Variants in CNTN4 observed in about 807,000 individuals in gnomAD.
The protein encoded by CNTN4 is contactin 4, also known as contactin-4.
CNTN4 carries 77 observed loss-of-function variants against 122.5 expected under a neutral mutation model. The ratio of observed to expected loss-of-function variants is 0.63; its 90% confidence interval spans 0.52 to 0.76. The LOEUF (loss-of-function observed/expected upper bound fraction) is 0.76. Among genes scored for constraint, CNTN4 ranks in the 30% least tolerant of loss-of-function variants. The probability of loss-of-function intolerance (pLI) is 0.00; values close to 1 mark genes in which losing one functional copy is unlikely to be tolerated. For synonymous variants in CNTN4, 512 were observed against 447.0 expected, an observed-to-expected ratio of 1.15 and a Z score of -1.83; for missense variants, 1,256 against 1,259.1, an observed-to-expected ratio of 1.00 and a Z score of 0.04.
chr3:2,768,004 A>G (rs1207713344), intron 6 of CNTN4, among the ~76,000 whole-genome samples: 2 of 152,220 alleles, frequency 1.3e-5, no homozygotes, highest in African/African-American at 4.8e-5. Context: ...TTGCATATAA[A>G]TGTTACATTT....
In CNTN4 at chr3:2,627,694, C is replaced by T. The variant is rs144628299; in HGVS notation, c.55+56136C>T. Among the ~76,000 whole-genome samples the T allele has an allele frequency of 4.8e-3, 736 of 151,824 alleles. 7 individuals carry two copies. In the East Asian group the frequency reaches 0.067, roughly 14 times the overall value. On this transcript the variant is annotated intron_variant, in intron 4 of 24. Transcript: ENST00000418658. ...ATTTTTAGTAGAGACGGGGTTTCACCGTGTTAGCCAGGATGGTCTCGATCT... is the reference window on the plus strand; with the variant it reads ...ATTTTTAGTAGAGACGGGGTTTCACTGTGTTAGCCAGGATGGTCTCGATCT...
chr3:2,548,641 T>A (rs962311568), intron 3 of CNTN4, among the ~76,000 whole-genome samples: 2 of 152,154 alleles, frequency 1.3e-5, no homozygotes, highest in African/African-American at 4.8e-5. Flanking sequence ...TTGCTTAGGA[T>A]TGTCTTGGTT....
Position 2,325,472 on chromosome 3 carries a change from G to A in CNTN4, c.-144-13706G>A, listed in dbSNP as rs141635478. Among the ~76,000 whole-genome samples the A allele has an allele frequency of 1.7e-3, 266 of 152,124 alleles. 1 individual carries two copies. Among genetic ancestry groups the A allele is most frequent in the African/African-American group, 5.9e-3 (245 of 41,502 alleles). On this transcript the variant is annotated intron_variant, in intron 2 of 24. Coordinates refer to ENST00000418658, the MANE Select transcript of CNTN4 (RefSeq NM_175607.3). Reference sequence around the variant, plus strand: ...TAGCATTCTCCCTAATTTTAAGAACGCCTTTTGTTTTTATGGTCTTACTTG... The same window carrying A: ...TAGCATTCTCCCTAATTTTAAGAACACCTTTTGTTTTTATGGTCTTACTTG...
intron 10 of CNTN4, among the ~76,000 whole-genome samples, chr3:2,897,923 A>G (rs1219057153): frequency 6.6e-6 from 1 of 152,154 alleles, no homozygotes; most frequent in Non-Finnish European, 1.5e-5. Flanking sequence ...CCTGTACCCA[A>G]TGCATTATCA....
rs2094557196 is a variant in CNTN4 at position 2,935,179 on chromosome 3, T to C, written c.1358+9400T>C. Reference sequence around the variant, plus strand: ...GGCCAGGGTTAAAATGATGACTAAATCCGGTGACTACCTGAGATGGGTCTG... The same window carrying C: ...GGCCAGGGTTAAAATGATGACTAAACCCGGTGACTACCTGAGATGGGTCTG... On this transcript the variant is annotated intron_variant, in intron 13 of 24. Coordinates refer to ENST00000418658, the MANE Select transcript of CNTN4 (RefSeq NM_175607.3). Among the ~76,000 whole-genome samples the C allele has an allele frequency of 2.0e-5, 3 of 152,240 alleles. No individual in the cohort carries two copies. The South Asian group carries it at 6.2e-4, about 32-fold the overall frequency.
intron 3 of CNTN4, among the ~76,000 whole-genome samples, chr3:2,359,280 C>T (rs902547432): frequency 6.6e-5 from 10 of 151,648 alleles, no homozygotes; most frequent in Admixed American, 3.3e-4. Flanking sequence ...TGGAGAGAAC[C>T]GCATACAGCT....
chr3:2,570,176 A>AC (rs2079357688), intron 3 of CNTN4, among the ~76,000 whole-genome samples: 1 of 148,354 alleles, frequency 6.7e-6, no homozygotes, highest in South Asian at 2.2e-4. Flanking sequence ...ACAGTGTTTA[A>AC]TTTTTTTTTT....
intron 2 of CNTN4, among the ~76,000 whole-genome samples, chr3:2,278,775 C>T (rs1019148938): frequency 6.7e-6 from 1 of 149,714 alleles, no homozygotes; most frequent in African/African-American, 2.6e-5. Context: ...GGCCATTAAA[C>T]ACTTCATAAT....
intron 3 of CNTN4, among the ~76,000 whole-genome samples, chr3:2,541,365 A>G (rs893299683): frequency 6.6e-6 from 1 of 152,100 alleles, no homozygotes; most frequent in Admixed American, 6.6e-5. Context: ...ATACTTTTCT[A>G]TGCCAACAGA....
intron 4 of CNTN4, among the ~76,000 whole-genome samples, chr3:2,649,204 A>G (rs2083259558): frequency 6.6e-6 from 1 of 152,214 alleles, no homozygotes; most frequent in African/African-American, 2.4e-5. Context: ...TAGCTAAGAT[A>G]ATTAATAAAG....
chr3:2,964,960 T>C lies in CNTN4; in HGVS notation c.1359-23385T>C, dbSNP rs113451666. Among the ~76,000 whole-genome samples, 193 of 152,276 alleles carry C rather than the reference T, an allele frequency of 1.3e-3. 1 individual carries two copies. The highest frequency in any genetic ancestry group is 1.9e-3 in the Admixed American group (29 of 15,292). On this transcript the variant is annotated intron_variant, in intron 13 of 24. Transcript: ENST00000418658. Reference sequence around the variant, plus strand: ...TTCCATCGTGCCCTACTCGAGGGGTTGAAGATACAGCAGTGAATGAGAAAA... The same window carrying C: ...TTCCATCGTGCCCTACTCGAGGGGTCGAAGATACAGCAGTGAATGAGAAAA...
At chr3:2,621,197 C>T (rs1345666228) in intron 4 of CNTN4, among the ~76,000 whole-genome samples, 1 of 152,128 alleles carries the variant, frequency 6.6e-6, no homozygotes, top group Non-Finnish European at 1.5e-5. Context: ...ACCTTCTCAT[C>T]GCTGATGTAT....
intron 4 of CNTN4, among the ~76,000 whole-genome samples, chr3:2,582,482 G>A (rs763641572): frequency 1.4e-4 from 21 of 152,242 alleles, no homozygotes; most frequent in African/African-American, 3.6e-4. Flanking sequence ...GATTGGGGGC[G>A]GCGGGGAGGG....
chr3:2,943,922 T>A (rs1333444284), intron 13 of CNTN4, among the ~76,000 whole-genome samples: 1 of 152,114 alleles, frequency 6.6e-6, no homozygotes, highest in African/African-American at 2.4e-5. Context: ...GCAATTGATT[T>A]GGAAGTGTTT....
chr3:2,343,717 C>T (rs2044292922), intron 3 of CNTN4, among the ~76,000 whole-genome samples: 1 of 152,180 alleles, frequency 6.6e-6, no homozygotes, highest in African/African-American at 2.4e-5. Context: ...ATGCCAAGAA[C>T]CTGGACAACT....
chr3:2,610,377 C>A (rs1183458032), intron 4 of CNTN4, among the ~76,000 whole-genome samples: 1 of 152,104 alleles, frequency 6.6e-6, no homozygotes, highest in East Asian at 1.9e-4. Flanking sequence ...TCTTTAGGAA[C>A]CTCTGTTTTT....
intron 6 of CNTN4, among the ~76,000 whole-genome samples, chr3:2,762,936 G>C (rs1333629957): frequency 1.5e-5 from 2 of 133,556 alleles, no homozygotes; most frequent in Non-Finnish European, 3.2e-5. Context: ...GTGATGTCAA[G>C]CTTTTTTTTT....
chr3:2,990,100 T>C (rs1694926905), intron 14 of CNTN4, among the ~76,000 whole-genome samples: 1 of 152,162 alleles, frequency 6.6e-6, no homozygotes, highest in South Asian at 2.1e-4. Flanking sequence ...TTGATAACTG[T>C]GAAAATCCAT....
At chr3:2,759,010 G>A (rs954188577) in intron 6 of CNTN4, among the ~76,000 whole-genome samples, 3 of 152,004 alleles carry the variant, frequency 2.0e-5, no homozygotes, top group Admixed American at 1.3e-4. Flanking sequence ...TTCCAGACCT[G>A]ATAACCACTA....
Sources: gnomAD v4.1 joint callset for allele counts (sites outside exome capture counted in the v4.1 genomes callset) on GRCh38, gnomAD v4.1.1 for gene constraint, MANE v1.5 for transcripts, NCBI Gene and HGNC (gene_info 2026-07-23, HGNC 2026-07-21) for gene names.